GALNT2: variants seen among roughly 807,000 people sequenced by gnomAD.
GALNT2 encodes UDP-GalNAc:polypeptide N-acetylgalactosaminyltransferase 2.
Under a neutral mutation model 81.4 loss-of-function variants are expected in GALNT2, and 31 were observed. The ratio of observed to expected loss-of-function variants is 0.38; its 90% CI spans 0.29 to 0.51. The LOEUF (loss-of-function observed/expected upper bound fraction) is 0.51. Among genes scored for constraint, GALNT2 ranks in the 20% least tolerant of loss-of-function variants. The pLI is 0.87. For missense variants in GALNT2, 629 were observed against 765.7 expected (o/e 0.82, Z 2.11); for synonymous variants, 303 against 287.4 (o/e 1.05, Z -0.55).
chr1:230,088,305 A>G (rs897607377), intron 1 of GALNT2, among the ~76,000 whole-genome samples: 1 of 152,000 alleles, frequency 6.6e-6, no homozygotes, highest in Non-Finnish European at 1.5e-5. Context: ...TGTGCACTTG[A>G]CACCTCTAGG....
At chr1:230,228,665 C>T (rs1365580028) in intron 3 of GALNT2, among the ~76,000 whole-genome samples, 2 of 151,950 alleles carry the variant, frequency 1.3e-5, no homozygotes, top group Non-Finnish European at 2.9e-5. Context: ...AACCCTGCAC[C>T]CATACCACGC....
At chr1:230,250,318 G>T in intron 9 of GALNT2, 139 bp from the exon 10 acceptor site, 1 of 691,298 alleles carries the variant, frequency 1.4e-6, no homozygotes. Flanking sequence ...GCACTGAGCA[G>T]AAAACAGTGG....
chr1:230,249,723 G>A (rs1404125359), intron 9 of GALNT2, among the ~76,000 whole-genome samples: 2 of 152,186 alleles, frequency 1.3e-5, no homozygotes, highest in African/African-American at 4.8e-5. Flanking sequence ...CTTTCTGGTT[G>A]AGAGTCAGGA....
chr1:230,241,529 C>T lies in GALNT2; in HGVS notation c.608-1777C>T, dbSNP rs141885589. On this transcript the variant is annotated intron_variant, in intron 6 of 15. Transcript: ENST00000366672. The stretch of plus-strand genomic sequence containing the variant: ...TGGTGTGATCTCAGCCCACTGCAAC[C>T]TCTGCCTCCTGGGTTCAAGCAATTC... Among the ~76,000 whole-genome samples the T allele has an allele frequency of 6.6e-5, 10 of 152,176 alleles. No homozygotes were observed. In the East Asian group the frequency reaches 1.9e-3, roughly 29 times the overall value.
chr1:230,207,787 C>T (rs1259846074), intron 3 of GALNT2, among the ~76,000 whole-genome samples: 1 of 152,092 alleles, frequency 6.6e-6, no homozygotes, highest in Non-Finnish European at 1.5e-5. Flanking sequence ...TACTGTGTTG[C>T]CCAGGCTGGT....
intron 14 of GALNT2, among the ~76,000 whole-genome samples, chr1:230,270,479 G>C (rs1308470539): frequency 6.6e-6 from 1 of 152,232 alleles, no homozygotes; most frequent in African/African-American, 2.4e-5. Flanking sequence ...CTTGAAATAT[G>C]ACTAGTGTGA....
intron 2 of GALNT2, among the ~76,000 whole-genome samples, chr1:230,197,597 T>C (rs1663739782): frequency 6.6e-6 from 1 of 152,182 alleles, no homozygotes; most frequent in Non-Finnish European, 1.5e-5. Flanking sequence ...TATCAGTTAA[T>C]TTTATAGTTA....
At chr1:230,210,070 G>A (rs2102712718) in intron 3 of GALNT2, among the ~76,000 whole-genome samples, 1 of 152,322 alleles carries the variant, frequency 6.6e-6, no homozygotes, top group East Asian at 1.9e-4. Context: ...TCTTTAGAGT[G>A]TGCTGCGCTT....
At chr1:230,111,298 C>T (rs976051024) in intron 1 of GALNT2, among the ~76,000 whole-genome samples, 9 of 152,228 alleles carry the variant, frequency 5.9e-5, no homozygotes, top group East Asian at 1.9e-4. Flanking sequence ...TGCAAGCCTA[C>T]GATATGTGTT....
rs375865282 is a variant in GALNT2, at chr1:230,167,817, G to A, written c.127-10401G>A. Among the ~76,000 whole-genome samples the A allele has an allele frequency of 6.4e-4, 97 of 152,256 alleles. 1 individual carries two copies. The highest frequency in any genetic ancestry group is 2.2e-3 in the African/African-American group (93 of 41,554). On this transcript the variant is annotated intron_variant, in intron 1 of 15. Coordinates refer to ENST00000366672, the MANE Select transcript of GALNT2 (RefSeq NM_004481.5). ...GCGGCTGCTCCACTGTGGCCCTTGG[G>A]CCCCGCTCATCACCAAGTGCTGCCT... is the stretch of plus-strand genomic sequence containing the variant.
intron 2 of GALNT2, among the ~76,000 whole-genome samples, chr1:230,183,465 G>A (rs1225478286): frequency 6.6e-6 from 1 of 151,410 alleles, no homozygotes; most frequent in Non-Finnish European, 1.5e-5. Context: ...AAAATTAGTT[G>A]GTCTTCTTTC....
chr1:230,237,411 A>G (rs1231438699), intron 6 of GALNT2, among the ~76,000 whole-genome samples: 1 of 152,242 alleles, frequency 6.6e-6, no homozygotes, highest in Non-Finnish European at 1.5e-5. Flanking sequence ...ATCTTTCAGT[A>G]TAGGAAAATC....
chr1:230,236,387 G>T lies in GALNT2; in HGVS notation c.508G>T (p.Glu170Ter), dbSNP rs1665032229. The T allele has an allele frequency of 6.2e-7, 1 of 1,614,074 alleles. No homozygotes were observed. Among genetic ancestry groups the T allele is most frequent in the Non-Finnish European group, 8.5e-7 (1 of 1,179,992 alleles). ...GAAAAGCCCGCCCCATCTCATAAAA[G>T]AAATCATCTTGGTGGATGACTACAG... ...LKKSPPHLIK[E>*]IILVDDYSND... The change falls in exon 5 of 16, where the codon GAA (glutamate) becomes TAA (stop). Residue 170 changes from glutamate to a stop codon, truncating the protein, a stop_gained. Coordinates refer to ENST00000366672, the MANE Select transcript of GALNT2 (RefSeq NM_004481.5). LOFTEE classifies it high-confidence loss of function.
chr1:230,092,607 G>T (rs1280961778), intron 1 of GALNT2, among the ~76,000 whole-genome samples: 1 of 152,064 alleles, frequency 6.6e-6, no homozygotes, highest in Non-Finnish European at 1.5e-5. Context: ...GCCTCCCAAA[G>T]TGCTGGGATT....
chr1:230,207,800 C>CA (rs1236589291), intron 3 of GALNT2, among the ~76,000 whole-genome samples: 1 of 152,176 alleles, frequency 6.6e-6, no homozygotes, highest in African/African-American at 2.4e-5. Flanking sequence ...AGGCTGGTCT[C>CA]AAACTCCTGG....
intron 1 of GALNT2, among the ~76,000 whole-genome samples, chr1:230,139,128 C>T (rs1272864021): frequency 6.6e-6 from 1 of 152,222 alleles, no homozygotes; most frequent in African/African-American, 2.4e-5. Flanking sequence ...CTGGCTTTTT[C>T]TAGCTGCTAC....
At chr1:230,208,013 A>G (rs1424789447) in intron 3 of GALNT2, among the ~76,000 whole-genome samples, 3 of 152,200 alleles carry the variant, frequency 2.0e-5, no homozygotes, top group African/African-American at 7.2e-5. Context: ...AGTCAGGGTA[A>G]TTGGGATATC....
intron 2 of GALNT2, among the ~76,000 whole-genome samples, chr1:230,199,773 C>A (rs6679699): frequency 2.7e-4 from 41 of 152,150 alleles, no homozygotes; most frequent in Non-Finnish European, 5.3e-4. Flanking sequence ...CTGTTGAAGA[C>A]GCTCCTGTGT....
intron 13 of GALNT2, 133 bp from the exon 14 acceptor site, chr1:230,265,108 A>C (rs1054520616): frequency 1.5e-5 from 17 of 1,129,038 alleles, no homozygotes; most frequent in Non-Finnish European, 2.2e-5. Context: ...TGGTAGGAAG[A>C]GGCACGATGC....
Sources: gnomAD v4.1 joint callset for allele counts (sites outside exome capture counted in the v4.1 genomes callset) on GRCh38, gnomAD v4.1.1 for gene constraint, MANE v1.5 for transcripts, NCBI Gene and HGNC (gene_info 2026-07-23, HGNC 2026-07-21) for gene names.